The following EFCAB7 variants were observed in gnomAD, a reference collection of about 807,000 sequenced individuals.
EFCAB7 encodes the protein EF-hand calcium binding domain 7.
Under a neutral mutation model 77.1 loss-of-function variants are expected in EFCAB7, and 66 were observed. That is an observed-to-expected ratio of 0.86 (90% confidence interval 0.70 to 1.05). The LOEUF is 1.05. Among genes scored for constraint, EFCAB7 ranks in the 50% least tolerant of loss-of-function variants. The pLI, the probability that EFCAB7 is intolerant of heterozygous loss-of-function variation, is 0.00. For synonymous variants in EFCAB7, 225 were observed against 243.3 expected (o/e 0.92, Z 0.70); for missense variants, 638 against 730.5 (o/e 0.87, Z 1.46).
At chr1:63,572,153 G>A (rs922684051) in intron 13 of EFCAB7, among the ~76,000 whole-genome samples, 4 of 152,248 alleles carry the variant, frequency 2.6e-5, no homozygotes, top group Non-Finnish European at 2.9e-5. Flanking sequence ...TTTAGAAAAC[G>A]CTCTAGGTTT....
intron 10 of EFCAB7, among the ~76,000 whole-genome samples, chr1:63,558,475 G>A (rs1219465460): frequency 6.6e-6 from 1 of 152,128 alleles, no homozygotes; most frequent in Non-Finnish European, 1.5e-5. Context: ...TAAGTAACCT[G>A]ACCAAGGCTA....
intron 11 of EFCAB7, among the ~76,000 whole-genome samples, chr1:63,564,791 A>G (rs918514669): frequency 6.6e-6 from 1 of 152,210 alleles, no homozygotes; most frequent in Non-Finnish European, 1.5e-5. Flanking sequence ...TGGAGGCATC[A>G]TGCTACCTAA....
intron 6 of EFCAB7, among the ~76,000 whole-genome samples, chr1:63,537,337 T>C (rs1389020062): frequency 1.3e-5 from 2 of 152,198 alleles, no homozygotes; most frequent in Non-Finnish European, 2.9e-5. Flanking sequence ...ATTCAGATTC[T>C]TAGAGTATGC....
chr1:63,568,338 C>T lies in EFCAB7; in HGVS notation c.1526C>T (p.Ala509Val), dbSNP rs1270153300. 7 of 1,601,368 alleles carry T rather than the reference C, an allele frequency of 4.4e-6. No homozygotes were observed. Among genetic ancestry groups the T allele is most frequent in the East Asian group, 2.3e-5 (1 of 44,372 alleles). ...TGTCCATTTGTCATTGATATCTATG[C>T]AGAAAAATGCAAGCCAAAAATTAAA... is the stretch of plus-strand genomic sequence containing the variant. ...EACPFVIDIY[A>V]EKCKPKIKAV... The change falls in exon 12 of 14, where the codon GCA (alanine) becomes GTA (valine). Residue 509 changes from alanine (A) to valine (V), a missense_variant. Transcript: ENST00000371088.
intron 2 of EFCAB7, among the ~76,000 whole-genome samples, chr1:63,528,121 C>T (rs1298876494): frequency 2.6e-5 from 4 of 152,142 alleles, no homozygotes; most frequent in African/African-American, 9.7e-5. Context: ...GATATCTGCA[C>T]TCCCATGTTT....
At chr1:63,552,241 T>A (rs980286846) in intron 8 of EFCAB7, among the ~76,000 whole-genome samples, 1 of 152,044 alleles carries the variant, frequency 6.6e-6, no homozygotes. Flanking sequence ...TAAAAAAAAA[T>A]TTAAATAAAG....
Position 63,534,162 on chromosome 1 carries a change from C to T in EFCAB7, c.750C>T (p.Thr250=). The change falls in exon 6 of 14, where the codon ACC becomes ACT. Residue 250 remains threonine (T), a synonymous_variant. Coordinates refer to ENST00000371088, the MANE Select transcript of EFCAB7 (RefSeq NM_032437.4). ...AAACATCTGTTTCCTTCACAGTTAC[C>T]ATGGGGGCTAATGGTAACCGAAACT... The part of the protein sequence containing the change: ...KFKTSVSFTV[T]MGANGNRNSK... 6.2e-7 allele frequency: 1 copy of T among 1,613,252 alleles called. No homozygotes were observed. Among genetic ancestry groups the T allele is most frequent in the Middle Eastern group, 1.7e-4 (1 of 6,054 alleles).
intron 6 of EFCAB7, among the ~76,000 whole-genome samples, chr1:63,542,629 T>G (rs1359893973): frequency 6.6e-6 from 1 of 152,146 alleles, no homozygotes; most frequent in Non-Finnish European, 1.5e-5. Flanking sequence ...TCGTTTTCTG[T>G]TTTTTTGATA....
Position 63,555,534 on chromosome 1 carries a change from T to C in EFCAB7, c.1214+19T>C. ...AATTTAAGTAAGTTTTGTTTATTAA[T>C]GTTAGAATTATAACATCTAGACTGG... On this transcript the variant is annotated intron_variant, in intron 9 of 13. Transcript: ENST00000371088. 1 of 1,605,802 alleles carries C rather than the reference T, an allele frequency of 6.2e-7. No homozygotes were observed. Among genetic ancestry groups the C allele is most frequent in the Non-Finnish European group, 8.5e-7 (1 of 1,174,452 alleles).
chr1:63,557,222 T>C lies in EFCAB7; in HGVS notation c.1323T>C (p.Asp441=). Residue 441 remains aspartate, a synonymous_variant, in exon 10 of 14, where the codon GAT becomes GAC. Transcript: ENST00000371088. ...FELRTSGEKC[D]EDAWAVCREN... ...TGAGAACAAGTGGTGAGAAATGTGA[T>C]GAAGATGCTTGGGCTGTCTGCAGAG... is the stretch of plus-strand genomic sequence containing the variant. The C allele has an allele frequency of 6.2e-7, 1 of 1,609,516 alleles. No individual in the cohort carries two copies. The highest frequency in any genetic ancestry group is 8.5e-7 in the Non-Finnish European group (1 of 1,178,966).
chr1:63,555,248 T>G, intron 8 of EFCAB7, 110 bp from the exon 9 acceptor site: 2 of 1,259,474 alleles, frequency 1.6e-6, no homozygotes, highest in Non-Finnish European at 2.2e-6. Flanking sequence ...AAATATTGAT[T>G]TAAAAATCAT....
chr1:63,563,660 G>C (rs995238809), intron 11 of EFCAB7, among the ~76,000 whole-genome samples: 4 of 152,236 alleles, frequency 2.6e-5, no homozygotes, highest in Non-Finnish European at 5.9e-5. Context: ...TAACATAAGT[G>C]TGTTAATTGA....
chr1:63,534,065 G>T, intron 5 of EFCAB7, 30 bp from the exon 6 acceptor site: 1 of 1,611,270 alleles, frequency 6.2e-7, no homozygotes, highest in Non-Finnish European at 8.5e-7. Flanking sequence ...TTTTCATAAT[G>T]TCAGACCAAA....
downstream of EFCAB7, among the ~76,000 whole-genome samples, chr1:63,575,938 GTCT>G (rs745529824): frequency 9.3e-4 from 142 of 152,204 alleles, no homozygotes; most frequent in Non-Finnish European, 1.7e-3. Context: ...GGGATACTAA[GTCT>G]TCTTCTCCTA....
intron 6 of EFCAB7, among the ~76,000 whole-genome samples, chr1:63,537,783 CATAGGAAATCTTTA>C (rs1449393509): frequency 8.5e-5 from 13 of 152,118 alleles, no homozygotes; most frequent in Non-Finnish European, 1.6e-4. Context: ...AAGTATGTGA[CATAGGAAATCTTTA>C]TAAAAAGCAG....
chr1:63,569,254 A>G (rs1305669302), intron 12 of EFCAB7: 2 of 152,164 alleles, frequency 1.3e-5, no homozygotes, highest in East Asian at 3.8e-4. Flanking sequence ...TCAACCTGAG[A>G]ATATATTATG....
At chr1:63,581,031 T>G in the EFCAB7 span, among the ~76,000 whole-genome samples, 1 of 152,182 alleles carries the variant, frequency 6.6e-6, no homozygotes, top group Non-Finnish European at 1.5e-5. Flanking sequence ...CAGTTTCATT[T>G]CTTTCTTTCC....
At chr1:63,560,446 T>C (rs917424820) in intron 10 of EFCAB7, among the ~76,000 whole-genome samples, 2 of 151,920 alleles carry the variant, frequency 1.3e-5, no homozygotes, top group Non-Finnish European at 2.9e-5. Flanking sequence ...TTTCTCTTCA[T>C]GATTGAATTT....
At chr1:63,567,426 C>G (rs954745747) in intron 11 of EFCAB7, among the ~76,000 whole-genome samples, 2 of 151,858 alleles carry the variant, frequency 1.3e-5, no homozygotes, top group African/African-American at 4.8e-5. Flanking sequence ...GCACTCCAGC[C>G]TGGGCGACAA....
Sources: gnomAD v4.1 joint callset for allele counts (sites outside exome capture counted in the v4.1 genomes callset) on GRCh38, gnomAD v4.1.1 for gene constraint, MANE v1.5 for transcripts, NCBI Gene and HGNC (gene_info 2026-07-23, HGNC 2026-07-21) for gene names.